The following WDR11 variants were observed in gnomAD, a reference collection of about 807,000 sequenced individuals.
WDR11 encodes WD repeat domain 11.
WDR11 carries 83 observed loss-of-function variants against 151.2 expected under a neutral mutation model. That is an observed-to-expected ratio of 0.55 (90% confidence interval 0.46 to 0.66). The LOEUF is 0.66. Among genes scored for constraint, WDR11 ranks in the 30% least tolerant of loss-of-function variants. The probability of loss-of-function intolerance (pLI) is 0.00; values close to 1 mark genes in which losing one functional copy is unlikely to be tolerated. For missense variants in WDR11, 1,301 were observed against 1,480.9 expected, an observed-to-expected ratio of 0.88 and a Z score of 1.99; for synonymous variants, 484 against 533.1, an observed-to-expected ratio of 0.91 and a Z score of 1.27.
At position 120,909,167 on chromosome 10, in the gene WDR11, C is replaced by A. The variant is rs1417556416; in HGVS notation, c.*454C>A. Reference sequence around the variant, plus strand: ...AAGAGAGATACAAACAAGGCAGAAACATTTAAACTAGTATTAAAGGTAGTT... The same window carrying A: ...AAGAGAGATACAAACAAGGCAGAAAAATTTAAACTAGTATTAAAGGTAGTT... On this transcript the variant is annotated 3_prime_UTR_variant, in exon 29 of 29. Transcript: ENST00000263461. 1 of 167,136 alleles carries A rather than the reference C, an allele frequency of 6.0e-6. No homozygotes were observed. The highest frequency in any genetic ancestry group is 5.6e-5 in the Admixed American group (1 of 17,762). The allele number at this position is 167,136 out of a possible 1,614,324, so 10.4% of individuals were successfully genotyped here.
intron 14 of WDR11, among the ~76,000 whole-genome samples, chr10:120,884,365 C>T (rs1373248342): frequency 6.6e-6 from 1 of 152,042 alleles, no homozygotes; most frequent in African/African-American, 2.4e-5. Flanking sequence ...ACTTAATATA[C>T]AGTAAAGTAG....
chr10:120,904,619 A>C (rs1249021230), intron 24 of WDR11, 27 bp from the exon 25 acceptor site: 1 of 1,613,830 alleles, frequency 6.2e-7, no homozygotes, highest in African/African-American at 1.3e-5. Flanking sequence ...ATGTTCTCAT[A>C]ATTAGAAAAA....
rs140702981 is a variant in WDR11 at position 120,886,922 on chromosome 10, C to G, written c.2121+86C>G. On this transcript the variant is annotated intron_variant, in intron 16 of 28. Coordinates refer to ENST00000263461, the MANE Select transcript of WDR11 (RefSeq NM_018117.12). ...AGTGAAGGCATAGTTAAGTTGGAAA[C>G]TTCAGAAAAGCCTAATGTAAATAAA... The G allele has an allele frequency of 1.5e-3, 2,245 of 1,463,550 alleles. 27 individuals carry two copies. The African/African-American group carries it at 0.027, about 17-fold the overall frequency. 90.7% of individuals were successfully genotyped at this position (1,463,550 alleles called of 1,614,324 possible).
At chr10:120,892,028 G>A (rs1847445812) in intron 19 of WDR11, among the ~76,000 whole-genome samples, 1 of 152,206 alleles carries the variant, frequency 6.6e-6, no homozygotes, top group African/African-American at 2.4e-5. Flanking sequence ...TGAGGACATT[G>A]AAGGAACTTC....
At position 120,904,673 on chromosome 10, in the gene WDR11, G is replaced by T; in HGVS notation, c.3055G>T (p.Glu1019Ter). ...QTDRAVQLLL[E>*]TSADNQHYYC... ...AGACAGAGCTGTGCAGTTGCTGTTGGAAACAAGTGCAGATAACCAGCATTA... is the reference window on the plus strand; with the variant it reads ...AGACAGAGCTGTGCAGTTGCTGTTGTAAACAAGTGCAGATAACCAGCATTA... Residue 1019 changes from glutamate to a stop codon, truncating the protein, a stop_gained, in exon 25 of 29, where the codon GAA becomes TAA. Coordinates refer to ENST00000263461, the MANE Select transcript of WDR11 (RefSeq NM_018117.12). LOFTEE classifies it high-confidence loss of function. The T allele has an allele frequency of 6.8e-6, 11 of 1,614,144 alleles. No individual in the cohort carries two copies. The highest frequency in any genetic ancestry group is 9.3e-6 in the Non-Finnish European group (11 of 1,180,016).
chr10:120,878,511 C>A, intron 12 of WDR11, 52 bp downstream of exon 12: 1 of 1,430,310 alleles, frequency 7.0e-7, no homozygotes, highest in Non-Finnish European at 9.8e-7. Context: ...AACATGTTGC[C>A]ATTTATAAAA....
Position 120,851,416 on chromosome 10 carries a change from C to A in WDR11, c.-5C>A, listed in dbSNP as rs1229139225. 1.9e-6 allele frequency: 3 copies of A among 1,608,488 alleles called. No homozygotes were observed. Among genetic ancestry groups the A allele is most frequent in the African/African-American group, 2.7e-5 (2 of 74,900 alleles). On this transcript the variant is annotated 5_prime_UTR_variant, in exon 1 of 29. Transcript: ENST00000263461. ...CAGCGCCCAGGTCCTGGGCTGGCCG[C>A]CGGGATGTTGCCCTACACAGTGAAC...
intron 16 of WDR11, among the ~76,000 whole-genome samples, chr10:120,887,617 A>T (rs1322145454): frequency 6.6e-6 from 1 of 152,204 alleles, no homozygotes; most frequent in East Asian, 1.9e-4. Flanking sequence ...TTTGAAGTGT[A>T]ATGGGACAGA....
chr10:120,883,773 A>G lies in WDR11; in HGVS notation c.1740-7A>G. ...AGGGGCTTATTTAGTAATTTTGTTT[A>G]TTTTAGGCAGTATTTGGCAGTCGTA... On this transcript the variant is annotated splice_polypyrimidine_tract_variant and splice_region_variant and intron_variant, in intron 13 of 28. Transcript: ENST00000263461. 6.2e-7 allele frequency: 1 copy of G among 1,612,942 alleles called. No individual in the cohort carries two copies. The highest frequency in any genetic ancestry group is 8.5e-7 in the Non-Finnish European group (1 of 1,179,178).
Position 120,883,855 on chromosome 10 carries a change from G to T in WDR11, c.1815G>T (p.Glu605Asp). ...WDVRTCTLLR[E>D]MSKNFPTITA... Reference sequence around the variant, plus strand: ...TTAGGACTTGTACCCTTCTTAGAGAGATGTCCAAAAACTTCCCTACAATAA... The same window carrying T: ...TTAGGACTTGTACCCTTCTTAGAGATATGTCCAAAAACTTCCCTACAATAA... The change falls in exon 14 of 29, where the codon GAG becomes GAT. Residue 605 changes from glutamate (E) to aspartate (D), a missense_variant. Glu to Asp is a conservative substitution (Grantham distance 45, BLOSUM62 2). This residue lies in a region of WDR11 where 692 missense variants were observed against 762.5 expected (regional missense o/e 0.91). Transcript: ENST00000263461. 6.2e-7 allele frequency: 1 copy of T among 1,613,366 alleles called. No individual in the cohort carries two copies. Among genetic ancestry groups the T allele is most frequent in the Non-Finnish European group, 8.5e-7 (1 of 1,179,556 alleles).
intron 2 of WDR11, among the ~76,000 whole-genome samples, chr10:120,855,882 A>G (rs980909964): frequency 2.0e-5 from 3 of 152,066 alleles, no homozygotes; most frequent in African/African-American, 4.8e-5. Flanking sequence ...TAGGACCTCT[A>G]CTACAATGAA....
chr10:120,899,833 T>C, intron 19 of WDR11, 196 bp from the exon 20 acceptor site: 1 of 600,728 alleles, frequency 1.7e-6, no homozygotes, highest in East Asian at 2.8e-5. Flanking sequence ...AAAAATATGT[T>C]AATCAGATTT....
chr10:120,870,953 G>A (rs1027383970), intron 9 of WDR11, among the ~76,000 whole-genome samples: 8 of 152,092 alleles, frequency 5.3e-5, no homozygotes, highest in Admixed American at 2.6e-4. Context: ...AGCAGGACTC[G>A]GGAGTAATCT....
intron 9 of WDR11, among the ~76,000 whole-genome samples, 170 bp from the exon 10 acceptor site, chr10:120,871,000 A>G (rs1225262598): frequency 6.6e-6 from 1 of 152,184 alleles, no homozygotes; most frequent in Admixed American, 6.5e-5. Flanking sequence ...TTTAAGTCCT[A>G]TAGCCAGGTA....
intron 4 of WDR11, 139 bp downstream of exon 4, chr10:120,860,421 C>T: frequency 2.1e-6 from 2 of 936,318 alleles, no homozygotes; most frequent in Non-Finnish European, 3.3e-6. Context: ...ATGTCTAGTC[C>T]ATATATCTGC....
intron 12 of WDR11, chr10:120,880,085 A>C (rs1254188044): frequency 6.6e-6 from 1 of 152,186 alleles, no homozygotes; most frequent in Non-Finnish European, 1.5e-5. Flanking sequence ...ACATGTTTCA[A>C]GAGTTTTTCC....
intron 7 of WDR11, among the ~76,000 whole-genome samples, chr10:120,866,344 T>C (rs190350880): frequency 6.8e-6 from 1 of 147,638 alleles, no homozygotes; most frequent in East Asian, 2.2e-4. Flanking sequence ...TGAAAAAAGA[T>C]ATCTTGATTA....
intron 11 of WDR11, among the ~76,000 whole-genome samples, chr10:120,874,195 TGTTGTTGTTGTTGTTTG>T (rs1846665811): frequency 3.1e-4 from 34 of 108,158 alleles, no homozygotes; most frequent in South Asian, 6.2e-4. Flanking sequence ...TTTTTTTTGT[TGTTGTTGTTGTTGTTTG>T]TTTTGTTTTG....
rs143534930 is a variant in WDR11 at position 120,869,951 on chromosome 10, A to AG, written c.1295-1218dup. Among the ~76,000 whole-genome samples, 1,440 of 152,026 alleles carry AG rather than the reference A, an allele frequency of 9.5e-3. 21 individuals are homozygous for AG. Among genetic ancestry groups the AG allele is most frequent in the African/African-American group, 0.033 (1,379 of 41,472 alleles). On this transcript the variant is annotated intron_variant, in intron 9 of 28. Coordinates refer to ENST00000263461, the MANE Select transcript of WDR11 (RefSeq NM_018117.12). ...ATTACAGGTGTGCGCCACCACACCC[A>AG]GCTAATTTTTGTATTTTTAGTAGAG...
Sources: gnomAD v4.1 joint callset for allele counts (sites outside exome capture counted in the v4.1 genomes callset) on GRCh38, gnomAD v4.1.1 for gene constraint, gnomAD v4.1.1 regional missense constraint, MANE v1.5 for transcripts, NCBI Gene and HGNC (gene_info 2026-07-23, HGNC 2026-07-21) for gene names.